MTSS1: variants seen among roughly 807,000 people sequenced by gnomAD.
MTSS1 encodes the protein protein MTSS 1.
Under a neutral mutation model 79.0 loss-of-function variants are expected in MTSS1, and 18 were observed. That is an observed-to-expected ratio of 0.23 (90% CI 0.16 to 0.34). The LOEUF (loss-of-function observed/expected upper bound fraction) is 0.34. Among genes scored for constraint, MTSS1 ranks in the 10% least tolerant of loss-of-function variants. MTSS1 has a pLI of 1.00. For synonymous variants in MTSS1, 341 were observed against 368.6 expected (o/e 0.93, Z 0.86); for missense variants, 815 against 986.2 (o/e 0.83, Z 2.33).
intron 3 of MTSS1, among the ~76,000 whole-genome samples, chr8:124,687,645 A>G (rs1207835829): frequency 6.6e-6 from 1 of 152,166 alleles, no homozygotes; most frequent in Non-Finnish European, 1.5e-5. Context: ...AATGGACTCC[A>G]CCAGAGTCAG....
intron 3 of MTSS1, among the ~76,000 whole-genome samples, chr8:124,600,375 C>A (rs1161802934): frequency 6.6e-6 from 1 of 152,218 alleles, no homozygotes; most frequent in Non-Finnish European, 1.5e-5. Flanking sequence ...AATTATTTAA[C>A]AACAGTATGT....
At chr8:124,670,703 T>A (rs540586033) in intron 3 of MTSS1, among the ~76,000 whole-genome samples, 1 of 152,108 alleles carries the variant, frequency 6.6e-6, no homozygotes, top group Admixed American at 6.5e-5. Context: ...ACTGGGGCAG[T>A]GAAGTCAGAG....
chr8:124,713,967 G>A (rs527730364), intron 1 of MTSS1, among the ~76,000 whole-genome samples: 12 of 152,128 alleles, frequency 7.9e-5, no homozygotes, highest in East Asian at 1.9e-4. Flanking sequence ...GGCTGGTCTC[G>A]AACTCCTGGA....
At chr8:124,629,358 A>T (rs1815387463) in intron 3 of MTSS1, among the ~76,000 whole-genome samples, 1 of 151,666 alleles carries the variant, frequency 6.6e-6, no homozygotes. Flanking sequence ...ACTAAAAAAA[A>T]TACAAAAAAT....
chr8:124,597,987 T>C lies in MTSS1; in HGVS notation c.209-6752A>G, dbSNP rs755153504. 6.6e-6 allele frequency among the ~76,000 whole-genome samples: 1 copy of C among 152,114 alleles called. No homozygotes were observed. Among genetic ancestry groups the C allele is most frequent in the Non-Finnish European group, 1.5e-5 (1 of 68,018 alleles). Reference sequence around the variant, plus strand: ...CATTTTTTGTTATCAATAATGACCATTTTGGGCCAGGCATGATGGCCATGC... The same window carrying C: ...CATTTTTTGTTATCAATAATGACCACTTTGGGCCAGGCATGATGGCCATGC... On this transcript the variant is annotated intron_variant, in intron 3 of 13. Coordinates refer to ENST00000518547, the MANE Select transcript of MTSS1 (RefSeq NM_014751.6). The surrounding 1 kb of genome is among the most constrained non-coding windows in gnomAD (Gnocchi z 4.6).
At chr8:124,633,616 C>G (rs1816434059) in intron 3 of MTSS1, among the ~76,000 whole-genome samples, 1 of 151,962 alleles carries the variant, frequency 6.6e-6, no homozygotes, top group Non-Finnish European at 1.5e-5. Flanking sequence ...ACTAAAAATA[C>G]AAAATTATCT....
intron 9 of MTSS1, among the ~76,000 whole-genome samples, chr8:124,564,198 AGACTCCCATGGTCCAAACAAACG>A (rs1825897071): frequency 6.6e-6 from 1 of 151,992 alleles, no homozygotes; most frequent in Non-Finnish European, 1.5e-5. Flanking sequence ...AGCAGAAAAC[AGACTCCCATGGTCCAAACAAACG>A]GAGCTGAAAT....
In MTSS1 at chr8:124,724,943, T is replaced by C. The variant is rs1306905900; in HGVS notation, c.72+2941A>G. ...TGAATATCTTGTCTCCCCTTTCCTCTGGAACCAACTCACACCAGCCAATTT... is the reference window on the plus strand; with the variant it reads ...TGAATATCTTGTCTCCCCTTTCCTCCGGAACCAACTCACACCAGCCAATTT... On this transcript the variant is annotated intron_variant, in intron 1 of 13. Transcript: ENST00000518547. Among the ~76,000 whole-genome samples the C allele has an allele frequency of 2.6e-5, 4 of 152,308 alleles. No individual in the cohort carries two copies. In the East Asian group the frequency reaches 7.7e-4, roughly 29 times the overall value.
intron 3 of MTSS1, among the ~76,000 whole-genome samples, chr8:124,693,295 G>T (rs927577348): frequency 3.3e-5 from 5 of 152,132 alleles, no homozygotes; most frequent in Non-Finnish European, 5.9e-5. Context: ...ATGGCAAGAG[G>T]CTTTACAGGA....
chr8:124,614,978 G>C (rs1427957932), intron 3 of MTSS1, among the ~76,000 whole-genome samples: 2 of 152,230 alleles, frequency 1.3e-5, no homozygotes, highest in African/African-American at 4.8e-5. Context: ...AGATCAAGAA[G>C]GGCTTGTCTA....
chr8:124,594,832 C>T lies in MTSS1; in HGVS notation c.209-3597G>A, dbSNP rs186297708. ...GTCCATCTGTGGAAGTGCTTAACAT[C>T]TTATGCTCTTCCTAACCCTTGCAAG... is the stretch of plus-strand genomic sequence containing the variant. On this transcript the variant is annotated intron_variant, in intron 3 of 13. Transcript: ENST00000518547. 8.5e-5 allele frequency among the ~76,000 whole-genome samples: 13 copies of T among 152,318 alleles called. No individual in the cohort carries two copies. The East Asian group carries it at 2.3e-3, about 27-fold the overall frequency.
At chr8:124,662,508 T>C (rs1450798153) in intron 3 of MTSS1, among the ~76,000 whole-genome samples, 1 of 152,132 alleles carries the variant, frequency 6.6e-6, no homozygotes, top group East Asian at 1.9e-4. Context: ...AGGGTGTCCA[T>C]CACAATTACC....
chr8:124,727,471 C>T lies in MTSS1; in HGVS notation c.72+413G>A, dbSNP rs1833886912. The stretch of plus-strand genomic sequence containing the variant: ...GAGCGGGCAGAGCCCCCACTTCCTC[C>T]CCACCACCGCGCCAGGCGCCCCCAC... On this transcript the variant is annotated intron_variant, in intron 1 of 13. Coordinates refer to ENST00000518547, the MANE Select transcript of MTSS1 (RefSeq NM_014751.6). The surrounding 1 kb of genome is among the most constrained non-coding windows in gnomAD (Gnocchi z 4.7). The T allele has an allele frequency of 2.2e-6, 1 of 445,520 alleles. No homozygotes were observed. Among genetic ancestry groups the T allele is most frequent in the Non-Finnish European group, 4.5e-6 (1 of 222,680 alleles). The allele number at this position is 445,520 out of a possible 1,614,324, so 27.6% of individuals were successfully genotyped here. A position where few individuals can be genotyped will look rare whatever the true frequency, so the allele number is the denominator to read the frequency against.
rs1217337403 is a variant in MTSS1 at position 124,629,791 on chromosome 8, C to G, written c.209-38556G>C. Among the ~76,000 whole-genome samples the G allele has an allele frequency of 3.3e-5, 5 of 152,300 alleles. No individual in the cohort carries two copies. The East Asian group carries it at 9.7e-4, about 29-fold the overall frequency. On this transcript the variant is annotated intron_variant, in intron 3 of 13. Coordinates refer to ENST00000518547, the MANE Select transcript of MTSS1 (RefSeq NM_014751.6). ...CTCTCCCAGACACCACACCACAAGGCCACCCCCCTCCATCTGGGAAGAACC... is the reference window on the plus strand; with the variant it reads ...CTCTCCCAGACACCACACCACAAGGGCACCCCCCTCCATCTGGGAAGAACC...
At chr8:124,667,872 G>A (rs1217530467) in intron 3 of MTSS1, among the ~76,000 whole-genome samples, 1 of 151,852 alleles carries the variant, frequency 6.6e-6, no homozygotes, top group Non-Finnish European at 1.5e-5. Flanking sequence ...GAGCCCAGGA[G>A]TTCAAGACCA....
chr8:124,652,604 G>A (rs1462415857), intron 3 of MTSS1, among the ~76,000 whole-genome samples: 1 of 152,052 alleles, frequency 6.6e-6, no homozygotes, highest in Admixed American at 6.6e-5. Context: ...AGACCAGCCT[G>A]GCCGACCTGG....
intron 3 of MTSS1, among the ~76,000 whole-genome samples, chr8:124,595,254 G>A (rs537019341): frequency 7.9e-5 from 12 of 152,240 alleles, no homozygotes; most frequent in African/African-American, 2.2e-4. Flanking sequence ...TGCTGTATTC[G>A]TTTCCCTTTG....
At chr8:124,616,966 C>T (rs1056594167) in intron 3 of MTSS1, among the ~76,000 whole-genome samples, 3 of 152,174 alleles carry the variant, frequency 2.0e-5, no homozygotes, top group African/African-American at 7.2e-5. Flanking sequence ...TAGCAATTCA[C>T]CTGAACTTTG....
intron 3 of MTSS1, among the ~76,000 whole-genome samples, chr8:124,625,603 C>G (rs1016079483): frequency 1.6e-4 from 24 of 152,306 alleles, no homozygotes; most frequent in East Asian, 1.9e-4. Context: ...AACTCTACCC[C>G]CAGAAGCAGC....
Sources: gnomAD v4.1 joint callset for allele counts (sites outside exome capture counted in the v4.1 genomes callset) on GRCh38, gnomAD v4.1.1 for gene constraint, Gnocchi (gnomAD v3.1) non-coding constraint, MANE v1.5 for transcripts, NCBI Gene and HGNC (gene_info 2026-07-23, HGNC 2026-07-21) for gene names.